Variants in OR4D1 observed in about 807,000 individuals in gnomAD.
The protein encoded by OR4D1 is olfactory receptor 4D1.
A neutral mutation model predicts 14.2 loss-of-function variants in OR4D1; 10 were observed. The observed-to-expected ratio is 0.71, with a 90% CI of 0.44 to 1.20. The LOEUF is 1.20. Among genes scored for constraint, OR4D1 ranks in the 50% most tolerant of loss-of-function variants. The pLI is 0.00. For missense variants in OR4D1, 345 were observed against 376.6 expected, an observed-to-expected ratio of 0.92 and a Z score of 0.70; for synonymous variants, 141 against 147.4, an observed-to-expected ratio of 0.96 and a Z score of 0.32.
chr17:58,159,136 G>A lies in OR4D1; in HGVS notation c.*3050G>A, dbSNP rs951565070. 1.3e-5 allele frequency: 2 copies of A among 152,156 alleles called. No homozygotes were observed. Among genetic ancestry groups the A allele is most frequent in the Non-Finnish European group, 2.9e-5 (2 of 68,036 alleles). 9.4% of individuals were successfully genotyped at this position (152,156 alleles called of 1,614,324 possible). A position where few individuals can be genotyped will look rare whatever the true frequency, so the allele number is the denominator to read the frequency against. The stretch of plus-strand genomic sequence containing the variant: ...AGAAGAGAAAGTTATCTCACTTTTA[G>A]CATTGTCTAAATAGTTCCCCAAAAG... On this transcript the variant is annotated 3_prime_UTR_variant, in exon 4 of 4. Transcript: ENST00000268912.
In OR4D1 at chr17:58,158,915, GT is replaced by G. The variant is rs1404658964; in HGVS notation, c.*2833del. 1.3e-5 allele frequency: 2 copies of G among 152,284 alleles called. No individual in the cohort carries two copies. Among genetic ancestry groups the G allele is most frequent in the Non-Finnish European group, 2.9e-5 (2 of 68,020 alleles). The allele number at this position is 152,284 out of a possible 1,614,324, so 9.4% of individuals were successfully genotyped here. On this transcript the variant is annotated 3_prime_UTR_variant, in exon 4 of 4. Transcript: ENST00000268912. ...TGTCCAGGGCAGAAGATAAAGCCAT[GT>G]TTTGACTTGGTGAAAATGGAGTTGC...
rs1379646066 is a variant in OR4D1 at position 58,155,879 on chromosome 17, C to A, written c.726C>A (p.Thr242=). The change falls in exon 4 of 4, where the codon ACC becomes ACA. Residue 242 remains threonine, a synonymous_variant. Transcript: ENST00000268912. ...GGAAGGCAGCTTCCACCTGCACCACCCACATCATCGTGGTGTCCATGATCT... is the reference window on the plus strand; with the variant it reads ...GGAAGGCAGCTTCCACCTGCACCACACACATCATCGTGGTGTCCATGATCT... ...ARRKAASTCT[T]HIIVVSMIFI... is the part of the protein sequence containing the mutation. The A allele has an allele frequency of 1.1e-5, 18 of 1,613,980 alleles. No homozygotes were observed. Among genetic ancestry groups the A allele is most frequent in the Non-Finnish European group, 1.4e-5 (17 of 1,179,986 alleles).
intron 3 of OR4D1, among the ~76,000 whole-genome samples, chr17:58,154,710 T>C (rs1967742445): frequency 6.6e-6 from 1 of 152,256 alleles, no homozygotes; most frequent in Non-Finnish European, 1.5e-5. Context: ...TTCTCAACTG[T>C]ATATCCTATC....
Position 58,157,178 on chromosome 17 carries a change from G to A in OR4D1, c.*1092G>A. ...TCGTGTCGGACAAGAAGCCGCCCAA[G>A]GAGGCATCCCCAGTGCCGGCCAAAA... On this transcript the variant is annotated 3_prime_UTR_variant, in exon 4 of 4. Transcript: ENST00000268912. 2 of 1,465,044 alleles carry A rather than the reference G, an allele frequency of 1.4e-6. No homozygotes were observed. The highest frequency in any genetic ancestry group is 9.0e-7 in the Non-Finnish European group (1 of 1,105,802). 90.8% of individuals were successfully genotyped at this position (1,465,044 alleles called of 1,614,324 possible). A position where few individuals can be genotyped will look rare whatever the true frequency, so the allele number is the denominator to read the frequency against.
intron 3 of OR4D1, among the ~76,000 whole-genome samples, 194 bp from the exon 4 acceptor site, chr17:58,154,941 C>T (rs748362482): frequency 1.3e-5 from 2 of 152,268 alleles, no homozygotes; most frequent in Non-Finnish European, 1.5e-5. Context: ...TACTGTAGGG[C>T]GTGGTCAGGG....
Position 58,157,597 on chromosome 17 carries a change from A to G in OR4D1, c.*1511A>G, listed in dbSNP as rs1470680913. The G allele has an allele frequency of 6.2e-7, 1 of 1,612,392 alleles. No homozygotes were observed. Among genetic ancestry groups the G allele is most frequent in the East Asian group, 2.2e-5 (1 of 44,876 alleles). ...AGAACCGAAGGGCCAAGACGAAAAG[A>G]CTGCAGGAGTCAGAACTGGAAAAGC... On this transcript the variant is annotated 3_prime_UTR_variant, in exon 4 of 4. Coordinates refer to ENST00000268912, the MANE Select transcript of OR4D1 (RefSeq NM_001386095.1).
chr17:58,159,168 G>T lies in OR4D1; in HGVS notation c.*3082G>T, dbSNP rs1359722664. 1 of 152,150 alleles carries T rather than the reference G, an allele frequency of 6.6e-6. No individual in the cohort carries two copies. The highest frequency in any genetic ancestry group is 1.9e-4 in the East Asian group (1 of 5,200). 9.4% of individuals were successfully genotyped at this position (152,150 alleles called of 1,614,324 possible). The stretch of plus-strand genomic sequence containing the variant: ...CTAAATAGTTCCCCAAAAGGCATTT[G>T]CCCTTTGTTTTTGTTCCATCTTTAC... On this transcript the variant is annotated 3_prime_UTR_variant, in exon 4 of 4. Coordinates refer to ENST00000268912, the MANE Select transcript of OR4D1 (RefSeq NM_001386095.1).
In OR4D1 at chr17:58,156,238, C is replaced by G; in HGVS notation, c.*152C>G. On this transcript the variant is annotated 3_prime_UTR_variant, in exon 4 of 4. Transcript: ENST00000268912. ...GCTGTGTCAAGTACTGTGTTAAGCACTTCCACGCTTTTTTTCTTTTTTTTT... is the reference window on the plus strand; with the variant it reads ...GCTGTGTCAAGTACTGTGTTAAGCAGTTCCACGCTTTTTTTCTTTTTTTTT... 2 of 601,568 alleles carry G rather than the reference C, an allele frequency of 3.3e-6. No homozygotes were observed. Among genetic ancestry groups the G allele is most frequent in the Non-Finnish European group, 5.7e-6 (2 of 351,514 alleles). The allele number at this position is 601,568 out of a possible 1,614,324, so 37.3% of individuals were successfully genotyped here. A position where few individuals can be genotyped will look rare whatever the true frequency, so the allele number is the denominator to read the frequency against.
chr17:58,155,106 GTT>G, intron 3 of OR4D1, 27 bp from the exon 4 acceptor site: 2 of 1,381,994 alleles, frequency 1.4e-6, no homozygotes, highest in Non-Finnish European at 2.0e-6. Flanking sequence ...TTTTTTGTTT[GTT>G]TGTTTGTTTC....
In OR4D1 at chr17:58,156,069, G is replaced by C; in HGVS notation, c.916G>C (p.Val306Leu). The C allele has an allele frequency of 1.9e-6, 3 of 1,603,028 alleles. No homozygotes were observed. The highest frequency in any genetic ancestry group is 2.6e-6 in the Non-Finnish European group (3 of 1,175,150). Residue 306 changes from valine to leucine, a missense_variant, in exon 4 of 4, where the codon GTA becomes CTA. Physicochemically the swap from Val to Leu is conservative, Grantham distance 32 (BLOSUM62 1). Coordinates refer to ENST00000268912, the MANE Select transcript of OR4D1 (RefSeq NM_001386095.1). ...AAMRRLGKCLVICRE is the reference protein window; with the variant it reads ...AAMRRLGKCLLICRE ...CATGAGGAGATTAGGCAAGTGCCTA[G>C]TAATTTGCAGGGAGTAAACTTTAAG...
rs913056973 is a variant in OR4D1, at chr17:58,156,254, C to CTT, written c.*182_*183dup. The CTT allele has an allele frequency of 6.7e-4, 335 of 496,370 alleles. No homozygotes were observed. The highest frequency in any genetic ancestry group is 9.7e-4 in the East Asian group (29 of 29,844). The allele number at this position is 496,370 out of a possible 1,614,324, so 30.7% of individuals were successfully genotyped here. On this transcript the variant is annotated 3_prime_UTR_variant, in exon 4 of 4. Transcript: ENST00000268912. Reference sequence around the variant, plus strand: ...TGTTAAGCACTTCCACGCTTTTTTTCTTTTTTTTTTTTTTTAGATGGAGCC... The same window carrying CTT: ...TGTTAAGCACTTCCACGCTTTTTTTCTTTTTTTTTTTTTTTTTAGATGGAGCC...
chr17:58,153,091 C>T (rs967236259), intron 2 of OR4D1, among the ~76,000 whole-genome samples: 2 of 152,138 alleles, frequency 1.3e-5, no homozygotes, highest in Non-Finnish European at 2.9e-5. Context: ...CCCAGAGAGG[C>T]CAAACCATGC....
At chr17:58,150,304 ATGT>A (rs1010012578) in intron 2 of OR4D1, among the ~76,000 whole-genome samples, 2 of 152,220 alleles carry the variant, frequency 1.3e-5, no homozygotes, top group African/African-American at 4.8e-5. Context: ...GAGGGGGAAG[ATGT>A]TGTTGAAGAA....
At chr17:58,152,068 T>C (rs1597951377) in intron 2 of OR4D1, among the ~76,000 whole-genome samples, 2 of 152,238 alleles carry the variant, frequency 1.3e-5, no homozygotes, top group African/African-American at 2.4e-5. Flanking sequence ...TAAAAATTGT[T>C]CCTTATTATA....
At position 58,157,223 on chromosome 17, in the gene OR4D1, C is replaced by T; in HGVS notation, c.*1137C>T. 6.8e-7 allele frequency: 1 copy of T among 1,465,590 alleles called. No homozygotes were observed. The highest frequency in any genetic ancestry group is 9.0e-7 in the Non-Finnish European group (1 of 1,111,154). The allele number at this position is 1,465,590 out of a possible 1,614,324, so 90.8% of individuals were successfully genotyped here. On this transcript the variant is annotated 3_prime_UTR_variant, in exon 4 of 4. Coordinates refer to ENST00000268912, the MANE Select transcript of OR4D1 (RefSeq NM_001386095.1). ...CCAAAAGCGCCTCTTCCGGGGCCAC[C>T]CTGCGGCTACTGCTGCTGCCGGGGC...
chr17:58,149,140 G>A (rs562857189), intron 1 of OR4D1, among the ~76,000 whole-genome samples: 1 of 152,298 alleles, frequency 6.6e-6, no homozygotes, highest in South Asian at 2.1e-4. Flanking sequence ...AGAAGATTGA[G>A]TAACAACAGA....
intron 2 of OR4D1, among the ~76,000 whole-genome samples, 37 bp from the exon 3 acceptor site, chr17:58,153,820 G>A (rs893143255): frequency 3.3e-5 from 5 of 152,124 alleles, no homozygotes; most frequent in Admixed American, 2.6e-4. Context: ...AAAGAATCAT[G>A]TCTCCCTTCA....
Position 58,155,534 on chromosome 17 carries a change from C to T in OR4D1, c.381C>T (p.Ser127=). The T allele has an allele frequency of 6.2e-7, 1 of 1,614,176 alleles. No individual in the cohort carries two copies. Among genetic ancestry groups the T allele is most frequent in the East Asian group, 2.2e-5 (1 of 44,884 alleles). Residue 127 remains serine (S), a synonymous_variant, in exon 4 of 4, where the codon TCC becomes TCT. Coordinates refer to ENST00000268912, the MANE Select transcript of OR4D1 (RefSeq NM_001386095.1). Reference sequence around the variant, plus strand: ...CCTATGACCGCTACATAGCCATCTCCCAGCCCCTCCGGTATGTCACCATCA... The same window carrying T: ...CCTATGACCGCTACATAGCCATCTCTCAGCCCCTCCGGTATGTCACCATCA... ...VMAYDRYIAI[S]QPLRYVTIMN... is the part of the protein sequence containing the mutation.
chr17:58,148,894 TC>T lies in OR4D1; in HGVS notation c.-495+315del, dbSNP rs1330337240. On this transcript the variant is annotated intron_variant, in intron 1 of 3. Transcript: ENST00000268912. ...TTTTAAGTCTCATCTTCCTCCATCT[TC>T]CCCCTTCTCCTGCCTGCTTCTCTCA... Among the ~76,000 whole-genome samples, 5 of 152,088 alleles carry T rather than the reference TC, an allele frequency of 3.3e-5. No individual in the cohort carries two copies. The South Asian group carries it at 1.0e-3, about 32-fold the overall frequency.
Sources: gnomAD v4.1 joint callset for allele counts (sites outside exome capture counted in the v4.1 genomes callset) on GRCh38, gnomAD v4.1.1 for gene constraint, MANE v1.5 for transcripts, NCBI Gene and HGNC (gene_info 2026-07-23, HGNC 2026-07-21) for gene names.